Variants in ITGB5 observed in about 807,000 individuals in gnomAD.
ITGB5 encodes integrin subunit beta 5.
In ITGB5, 38 loss-of-function variants were observed where a neutral mutation model predicts 84.8. The ratio of observed to expected loss-of-function variants is 0.45; its 90% CI spans 0.35 to 0.59. The LOEUF is 0.59. Ranked by LOEUF, ITGB5 falls within the 20% of genes least tolerant of loss-of-function variation. The pLI is 0.01. For missense variants in ITGB5, 905 were observed against 1,034.5 expected, an observed-to-expected ratio of 0.87 and a Z score of 1.72; for synonymous variants, 393 against 414.4, an observed-to-expected ratio of 0.95 and a Z score of 0.63.
At chr3:124,770,010 T>C (rs2063819556) in intron 11 of ITGB5, 1 of 152,172 alleles carries the variant, frequency 6.6e-6, no homozygotes, top group Non-Finnish European at 1.5e-5. Flanking sequence ...TTATACTTTA[T>C]ATCATCAAAA....
Position 124,873,488 on chromosome 3 carries a change from T to A in ITGB5, c.114A>T (p.Glu38Asp), listed in dbSNP as rs753723289. 4 of 1,613,934 alleles carry A rather than the reference T, an allele frequency of 2.5e-6. No homozygotes were observed. The highest frequency in any genetic ancestry group is 2.5e-6 in the Non-Finnish European group (3 of 1,179,878). Reference protein sequence around the residue: ...CTSGSATSCEECLLIHPKCAW... With the variant: ...CTSGSATSCEDCLLIHPKCAW... ...CACATTTTGGGTGGATTAGCAGACA[T>A]TCTTCACATGAGGTGGCACTTCCAC... Residue 38 changes from glutamate (E) to aspartate (D), a missense_variant, in exon 2 of 15, where the codon GAA becomes GAT. Coordinates refer to ENST00000296181, the MANE Select transcript of ITGB5 (RefSeq NM_002213.5).
chr3:124,836,807 C>CA (rs1227740276), intron 5 of ITGB5, among the ~76,000 whole-genome samples: 1 of 152,008 alleles, frequency 6.6e-6, no homozygotes, highest in Non-Finnish European at 1.5e-5. Flanking sequence ...CAATTCCTGC[C>CA]AAAAAAATTT....
rs570219069 is a variant in ITGB5, at chr3:124,796,473, G to A, written c.1608C>T (p.Phe536=). The change falls in exon 10 of 15, where the codon TTC becomes TTT. Residue 536 remains phenylalanine, a synonymous_variant. Coordinates refer to ENST00000296181, the MANE Select transcript of ITGB5 (RefSeq NM_002213.5). Reference sequence around the variant, plus strand: ...CATAGATCTTGCCAAACTCGCTCTCGAAGCAGGAGCACTGGTTGCAGCTGC... The same window carrying A: ...CATAGATCTTGCCAAACTCGCTCTCAAAGCAGGAGCACTGGTTGCAGCTGC... ...GDCSCNQCSC[F]ESEFGKIYGP... 1.6e-5 allele frequency: 26 copies of A among 1,613,996 alleles called. 1 individual carries two copies. The highest frequency in any genetic ancestry group is 3.3e-4 in the Middle Eastern group (2 of 6,084).
intron 10 of ITGB5, among the ~76,000 whole-genome samples, chr3:124,794,938 G>A (rs774914048): frequency 6.6e-6 from 1 of 152,128 alleles, no homozygotes; most frequent in Non-Finnish European, 1.5e-5. Context: ...CACAGGAAAC[G>A]CATGCTTCAC....
chr3:124,840,366 A>G (rs2064993484), intron 5 of ITGB5, among the ~76,000 whole-genome samples: 1 of 152,188 alleles, frequency 6.6e-6, no homozygotes, highest in Non-Finnish European at 1.5e-5. Flanking sequence ...TATGAAATGT[A>G]TGCACAAAGA....
chr3:124,791,434 T>C (rs1424245006), intron 10 of ITGB5: 1 of 152,224 alleles, frequency 6.6e-6, no homozygotes, highest in Non-Finnish European at 1.5e-5. Context: ...ATTTTGATGA[T>C]GGATAACATA....
intron 4 of ITGB5, among the ~76,000 whole-genome samples, chr3:124,846,587 G>A (rs914288752): frequency 6.6e-6 from 1 of 152,148 alleles, no homozygotes; most frequent in Non-Finnish European, 1.5e-5. Flanking sequence ...TCAGCCTAAG[G>A]TAAAGTGTCT....
rs1579155458 is a variant in ITGB5, at chr3:124,762,783, T to G, written c.*840A>C. ...AAAGGTATCTGCTCAGTGTTCCCCC[T>G]TGCACAGCCCTCACTGCCCCGAGCA... On this transcript the variant is annotated 3_prime_UTR_variant, in exon 15 of 15. Transcript: ENST00000296181. The G allele has an allele frequency of 6.6e-6, 1 of 152,364 alleles. No homozygotes were observed. The allele number at this position is 152,364 out of a possible 1,614,324, so 9.4% of individuals were successfully genotyped here.
intron 8 of ITGB5, among the ~76,000 whole-genome samples, chr3:124,810,908 T>TCTTCTTTCTTTCTTTCTTTC (rs1553759104): frequency 6.7e-5 from 10 of 150,060 alleles, no homozygotes; most frequent in African/African-American, 2.0e-4. Context: ...CTCTTGTGGG[T>TCTTCTTTCTTTCTTTCTTTC]TTTCTTTCTT....
intron 4 of ITGB5, among the ~76,000 whole-genome samples, chr3:124,845,158 C>T (rs899551381): frequency 2.6e-5 from 4 of 152,216 alleles, no homozygotes; most frequent in Admixed American, 6.5e-5. Flanking sequence ...TTAGGCTGGG[C>T]GTGGTGGCCC....
At chr3:124,850,803 T>C (rs1203874671) in intron 3 of ITGB5, among the ~76,000 whole-genome samples, 1 of 151,870 alleles carries the variant, frequency 6.6e-6, no homozygotes, top group Non-Finnish European at 1.5e-5. Context: ...TGTCTGCCTT[T>C]GGTCAGACAG....
intron 4 of ITGB5, 125 bp from the exon 5 acceptor site, chr3:124,841,676 C>G (rs2065013913): frequency 1.2e-6 from 1 of 819,462 alleles, no homozygotes; most frequent in Non-Finnish European, 1.9e-6. Flanking sequence ...CTACCACATG[C>G]CCCAGGACAG....
At chr3:124,824,322 G>T (rs2064752172) in intron 5 of ITGB5, among the ~76,000 whole-genome samples, 1 of 152,066 alleles carries the variant, frequency 6.6e-6, no homozygotes, top group Non-Finnish European at 1.5e-5. Flanking sequence ...TACTGGAACT[G>T]GATATTCATA....
chr3:124,848,428 G>C lies in ITGB5; in HGVS notation c.492C>G (p.Leu164=), dbSNP rs751877985. 6.2e-7 allele frequency: 1 copy of C among 1,614,098 alleles called. No individual in the cohort carries two copies. ...LDNIRSLGTK[L]AEEMRKLTSN... is the part of the protein sequence containing the mutation. Reference sequence around the variant, plus strand: ...TGGTGAGCTTCCTCATCTCCTCCGCGAGTTTGGTGCCCAGGCTCCGGATAT... The same window carrying C: ...TGGTGAGCTTCCTCATCTCCTCCGCCAGTTTGGTGCCCAGGCTCCGGATAT... The change falls in exon 4 of 15, where the codon CTC becomes CTG. Residue 164 remains leucine (L), a synonymous_variant. Coordinates refer to ENST00000296181, the MANE Select transcript of ITGB5 (RefSeq NM_002213.5).
chr3:124,861,291 CA>C (rs1471870442), intron 2 of ITGB5, among the ~76,000 whole-genome samples: 2 of 151,822 alleles, frequency 1.3e-5, no homozygotes, highest in Non-Finnish European at 2.9e-5. Flanking sequence ...GCTCCATAAA[CA>C]CTTGTTGTGC....
chr3:124,797,988 C>CTT (rs1432275012), intron 9 of ITGB5, among the ~76,000 whole-genome samples: 2 of 150,404 alleles, frequency 1.3e-5, no homozygotes, highest in Non-Finnish European at 3.0e-5. Context: ...TTCTGAAGCT[C>CTT]AGAATGGGTT....
chr3:124,855,933 G>A (rs1002721352), intron 3 of ITGB5, among the ~76,000 whole-genome samples: 10 of 152,034 alleles, frequency 6.6e-5, no homozygotes, highest in Admixed American at 2.0e-4. Context: ...CAAACCTGCC[G>A]TTACTCAAAT....
intron 4 of ITGB5, among the ~76,000 whole-genome samples, 165 bp downstream of exon 4, chr3:124,848,144 G>C (rs148847558): frequency 1.3e-5 from 2 of 152,106 alleles, no homozygotes; most frequent in African/African-American, 4.8e-5. Flanking sequence ...TTCTTCACAC[G>C]TCAGGAAAGG....
intron 3 of ITGB5, among the ~76,000 whole-genome samples, chr3:124,853,553 T>C (rs1043621223): frequency 6.6e-6 from 1 of 152,202 alleles, no homozygotes; most frequent in African/African-American, 2.4e-5. Flanking sequence ...CCAGCCATCA[T>C]CAAAAGACTT....
Sources: allele counts gnomAD v4.1 joint callset (sites outside exome capture counted in the v4.1 genomes callset), GRCh38; gene constraint gnomAD v4.1.1; transcripts MANE v1.5; gene names NCBI Gene and HGNC (gene_info 2026-07-23, HGNC 2026-07-21).